The following CD38 variants were observed in gnomAD, a reference collection of about 807,000 sequenced individuals.
CD38 encodes the protein ADP-ribosyl cyclase/cyclic ADP-ribose hydrolase 1.
A neutral mutation model predicts 36.3 loss-of-function variants in CD38; 31 were observed. That is an observed-to-expected ratio of 0.85 (90% CI 0.64 to 1.15). The LOEUF is 1.15. CD38 is among the 50% of genes most tolerant of loss of function. CD38 has a pLI of 0.00. For missense variants in CD38, 380 were observed against 371.9 expected, an observed-to-expected ratio of 1.02 and a Z score of -0.18; for synonymous variants, 131 against 135.2, an observed-to-expected ratio of 0.97 and a Z score of 0.22.
intron 1 of CD38, among the ~76,000 whole-genome samples, chr4:15,780,540 A>ACACACACACACACACGCACG (rs1274128678): frequency 4.0e-5 from 6 of 151,356 alleles, no homozygotes; most frequent in African/African-American, 1.5e-4. Flanking sequence ...ACACACACAC[A>ACACACACACACACACGCACG]CACACACACA....
At chr4:15,783,989 G>A (rs952123932) in intron 1 of CD38, among the ~76,000 whole-genome samples, 4 of 152,230 alleles carry the variant, frequency 2.6e-5, no homozygotes, top group African/African-American at 9.6e-5. Context: ...ATTCACAAAT[G>A]AAGAAACACA....
intron 7 of CD38, among the ~76,000 whole-genome samples, chr4:15,840,834 T>C (rs1724190925): frequency 1.3e-5 from 2 of 152,144 alleles, no homozygotes; most frequent in South Asian, 4.1e-4. Context: ...ATTCCCAGTG[T>C]GAGTGGCCCA....
In CD38 at chr4:15,851,984, A is replaced by G. The variant is rs947163919; in HGVS notation, c.*3382A>G. On this transcript the variant is annotated 3_prime_UTR_variant, in exon 8 of 8. Transcript: ENST00000226279. ...TATCTAAACATAGAAAAGGTACAGT[A>G]AACATGCAGTATTATAATCTTATGA... 3 of 152,250 alleles carry G rather than the reference A, an allele frequency of 2.0e-5. No homozygotes were observed. The highest frequency in any genetic ancestry group is 4.4e-5 in the Non-Finnish European group (3 of 68,040). The allele number at this position is 152,250 out of a possible 1,614,324, so 9.4% of individuals were successfully genotyped here. A position where few individuals can be genotyped will look rare whatever the true frequency, so the allele number is the denominator to read the frequency against.
chr4:15,836,858 C>G (rs942587962), intron 4 of CD38, among the ~76,000 whole-genome samples: 4 of 152,182 alleles, frequency 2.6e-5, no homozygotes, highest in Admixed American at 2.6e-4. Context: ...TGGGCAGATT[C>G]CTTTACTCAT....
Position 15,781,070 on chromosome 4 carries a change from G to T in CD38, c.233+2423G>T, listed in dbSNP as rs76240840. ...TAGCACTGAACCAAGATCCAGCCTG[G>T]CCAAGAGAGTAAGACTCCGTCTCAA... On this transcript the variant is annotated intron_variant, in intron 1 of 7. Transcript: ENST00000226279. Among the ~76,000 whole-genome samples, 1,073 of 152,192 alleles carry T rather than the reference G, an allele frequency of 7.1e-3. 11 individuals carry two copies. Among genetic ancestry groups the T allele is most frequent in the African/African-American group, 0.024 (1,015 of 41,498 alleles).
chr4:15,835,834 G>A (rs1724058182), intron 4 of CD38, among the ~76,000 whole-genome samples: 1 of 152,122 alleles, frequency 6.6e-6, no homozygotes, highest in African/African-American at 2.4e-5. Context: ...TTTAATTCCT[G>A]AATACAATTC....
intron 2 of CD38, among the ~76,000 whole-genome samples, chr4:15,818,158 C>T (rs1723643786): frequency 1.1e-5 from 1 of 93,264 alleles, no homozygotes; most frequent in African/African-American, 4.3e-5. Flanking sequence ...GATGATGGAG[C>T]TGGGTGGGGG....
chr4:15,840,039 G>A lies in CD38; in HGVS notation c.673G>A (p.Val225Met), dbSNP rs777531241. ...IFDKNSTFGS[V>M]EVHNLQPEKV... is the part of the protein sequence containing the mutation. ...CTTCTATTTTAGCACTTTTGGGAGT[G>A]TGGAAGTCCATAATTTGCAACCAGA... The change falls in exon 6 of 8, where the codon GTG (valine) becomes ATG (methionine). Residue 225 changes from valine (V) to methionine (M), a missense_variant. Transcript: ENST00000226279. 1.1e-5 allele frequency: 18 copies of A among 1,612,754 alleles called. No individual in the cohort carries two copies. The highest frequency in any genetic ancestry group is 1.5e-5 in the Non-Finnish European group (18 of 1,178,760).
intron 2 of CD38, among the ~76,000 whole-genome samples, chr4:15,818,708 T>G (rs1480110169): frequency 6.6e-6 from 1 of 152,058 alleles, no homozygotes; most frequent in Non-Finnish European, 1.5e-5. Flanking sequence ...TACCTTCAGG[T>G]GCGGGAGGAA....
chr4:15,807,702 G>A (rs1723373290), intron 1 of CD38, among the ~76,000 whole-genome samples: 1 of 152,208 alleles, frequency 6.6e-6, no homozygotes, highest in Non-Finnish European at 1.5e-5. Flanking sequence ...CCAGAGGAAG[G>A]CAGATGAGCT....
At chr4:15,779,677 A>G (rs193223129) in intron 1 of CD38, among the ~76,000 whole-genome samples, 2 of 152,266 alleles carry the variant, frequency 1.3e-5, no homozygotes, top group African/African-American at 4.8e-5. Context: ...TAGTTGTTCT[A>G]TTTACACATA....
intron 3 of CD38, among the ~76,000 whole-genome samples, chr4:15,832,947 A>T (rs1304274436): frequency 1.3e-5 from 2 of 152,232 alleles, no homozygotes; most frequent in Non-Finnish European, 2.9e-5. Context: ...CACAAGACAC[A>T]GTCCTTCCCA....
rs984777291 is a variant in CD38 at position 15,778,801 on chromosome 4, G to C, written c.233+154G>C. 5.9e-5 allele frequency among the ~76,000 whole-genome samples: 9 copies of C among 152,086 alleles called. No homozygotes were observed. The highest frequency in any genetic ancestry group is 1.7e-4 in the African/African-American group (7 of 41,432). ...GTGCTGAGTAGGGAGTCCCGGGCTC[G>C]GGGCTCCGCGGGCCGCTTTCAGGAG... On this transcript the variant is annotated intron_variant, in intron 1 of 7. Transcript: ENST00000226279. This position sits in a 1 kb window ranked among gnomAD's most constrained non-coding sequence, Gnocchi z 4.9.
chr4:15,811,477 C>A (rs1038196361), intron 1 of CD38, among the ~76,000 whole-genome samples: 3 of 150,926 alleles, frequency 2.0e-5, no homozygotes, highest in Non-Finnish European at 4.4e-5. Context: ...CTAATTTATT[C>A]TTTTGCATGT....
At chr4:15,802,265 A>G (rs1040362224) in intron 1 of CD38, among the ~76,000 whole-genome samples, 1 of 152,130 alleles carries the variant, frequency 6.6e-6, no homozygotes, top group Non-Finnish European at 1.5e-5. Context: ...AAGACTACAG[A>G]ACACTAATAA....
intron 1 of CD38, among the ~76,000 whole-genome samples, chr4:15,791,594 G>A (rs1287610279): frequency 5.7e-5 from 5 of 87,782 alleles, no homozygotes; most frequent in Non-Finnish European, 8.9e-5. Flanking sequence ...TCAGCCCCCC[G>A]CCCGGCCAGC....
intron 1 of CD38, among the ~76,000 whole-genome samples, chr4:15,801,654 A>C (rs1285659093): frequency 6.6e-6 from 1 of 152,166 alleles, no homozygotes; most frequent in Non-Finnish European, 1.5e-5. Flanking sequence ...CAAATCAACA[A>C]ACATAATACA....
chr4:15,812,349 T>G lies in CD38; in HGVS notation c.234-4162T>G, dbSNP rs1422839717. On this transcript the variant is annotated intron_variant, in intron 1 of 7. Transcript: ENST00000226279. ...GCAAAAGAAGGAACTGGGATTTTTA[T>G]AGAGATTACATTGAAGCTGTAAATC... 2.6e-5 allele frequency among the ~76,000 whole-genome samples: 4 copies of G among 152,254 alleles called. No individual in the cohort carries two copies. The East Asian group carries it at 7.7e-4, about 29-fold the overall frequency.
chr4:15,784,199 A>C (rs1722762910), intron 1 of CD38, among the ~76,000 whole-genome samples: 1 of 152,192 alleles, frequency 6.6e-6, no homozygotes, highest in Admixed American at 6.5e-5. Flanking sequence ...CCTATCAAAC[A>C]AGAAAGACTA....
Sources: allele counts gnomAD v4.1 joint callset (sites outside exome capture counted in the v4.1 genomes callset), GRCh38; gene constraint gnomAD v4.1.1; non-coding constraint Gnocchi (gnomAD v3.1); transcripts MANE v1.5; gene names NCBI Gene and HGNC (gene_info 2026-07-23, HGNC 2026-07-21).